The following SLC35F2 variants were observed in gnomAD, a reference collection of about 807,000 sequenced individuals.
SLC35F2 encodes queuine/queuosine transporter SLC35F2.
Under a neutral mutation model 38.1 loss-of-function variants are expected in SLC35F2, and 25 were observed. That is an observed-to-expected ratio of 0.66 (90% CI 0.48 to 0.92). The LOEUF is 0.92. Among genes scored for constraint, SLC35F2 ranks in the 40% least tolerant of loss-of-function variants. The probability of loss-of-function intolerance (pLI) is 0.00; values close to 1 mark genes in which losing one functional copy is unlikely to be tolerated. For synonymous variants in SLC35F2, 173 were observed against 181.7 expected (o/e 0.95, Z 0.38); for missense variants, 409 against 452.9 (o/e 0.90, Z 0.88).
chr11:107,834,351 G>C (rs900668784), intron 1 of SLC35F2, among the ~76,000 whole-genome samples: 7 of 152,106 alleles, frequency 4.6e-5, no homozygotes, highest in Admixed American at 4.6e-4. Flanking sequence ...TCCAAACGTT[G>C]ACGAAAATGA....
chr11:107,804,717 C>A lies in SLC35F2; in HGVS notation c.784+1G>T, dbSNP rs757098482. The A allele has an allele frequency of 3.1e-6, 5 of 1,598,218 alleles. No individual in the cohort carries two copies. Among genetic ancestry groups the A allele is most frequent in the South Asian group, 2.3e-5 (2 of 88,488 alleles). On this transcript the variant is annotated splice_donor_variant, in intron 6 of 7. Coordinates refer to ENST00000525815, the MANE Select transcript of SLC35F2 (RefSeq NM_017515.5). LOFTEE classifies it high-confidence loss of function. ...CTAAAAGGAATTATTTCTTTACATA[C>A]CAATTTTCCAGTCCCAATGAATGCT...
rs34376803 is a variant in SLC35F2 at position 107,833,518 on chromosome 11, C to CAAAAAA, written c.111-17559_111-17554dup. ...TGGGCATCAGAGTGAGACTCTGTCT[C>CAAAAAA]AAAAAAAAAAAAAAAAAAAGGAGAG... is the stretch of plus-strand genomic sequence containing the variant. On this transcript the variant is annotated intron_variant, in intron 1 of 7. Coordinates refer to ENST00000525815, the MANE Select transcript of SLC35F2 (RefSeq NM_017515.5). Among the ~76,000 whole-genome samples, 9 of 89,562 alleles carry CAAAAAA rather than the reference C, an allele frequency of 1.0e-4. 1 individual carries two copies. Among genetic ancestry groups the CAAAAAA allele is most frequent in the South Asian group, 8.0e-4 (2 of 2,494 alleles). 58.8% of individuals were successfully genotyped at this position (89,562 alleles called of 152,430 possible).
intron 7 of SLC35F2, among the ~76,000 whole-genome samples, chr11:107,795,724 A>T (rs527406270): frequency 6.6e-6 from 1 of 152,390 alleles, no homozygotes; most frequent in African/African-American, 2.4e-5. Flanking sequence ...AATGTTCAAC[A>T]TCACTAATCA....
intron 1 of SLC35F2, among the ~76,000 whole-genome samples, chr11:107,822,651 T>C (rs1859691587): frequency 1.3e-5 from 2 of 152,158 alleles, no homozygotes; most frequent in Non-Finnish European, 2.9e-5. Context: ...ATATTCTCCA[T>C]GATTAATAGT....
chr11:107,825,358 TTTC>T (rs1859737594), intron 1 of SLC35F2, among the ~76,000 whole-genome samples: 2 of 143,886 alleles, frequency 1.4e-5, no homozygotes, highest in African/African-American at 5.8e-5. Context: ...TCCGCATTTC[TTTC>T]TTTTTTTTTT....
intron 7 of SLC35F2, among the ~76,000 whole-genome samples, chr11:107,802,133 G>A (rs780867368): frequency 6.6e-6 from 1 of 151,980 alleles, no homozygotes; most frequent in Non-Finnish European, 1.5e-5. Flanking sequence ...AGCTACTCAG[G>A]AGGCTGAGGC....
intron 1 of SLC35F2, among the ~76,000 whole-genome samples, chr11:107,829,345 G>A (rs1404479763): frequency 1.3e-5 from 2 of 151,908 alleles, no homozygotes; most frequent in African/African-American, 4.8e-5. Context: ...TTTGAACACA[G>A]GAGGCAGAGG....
chr11:107,843,845 T>C (rs1421486171), intron 1 of SLC35F2, among the ~76,000 whole-genome samples: 5 of 53,282 alleles, frequency 9.4e-5, no homozygotes, highest in Non-Finnish European at 1.4e-4. Flanking sequence ...ACTCTGTATC[T>C]TAAAAAAAAA....
chr11:107,827,217 T>C (rs1388412930), intron 1 of SLC35F2, among the ~76,000 whole-genome samples: 1 of 152,178 alleles, frequency 6.6e-6, no homozygotes, highest in East Asian at 1.9e-4. Context: ...TACATATATA[T>C]ATCCTATCTC....
chr11:107,833,377 G>A (rs1859881206), intron 1 of SLC35F2, among the ~76,000 whole-genome samples: 2 of 152,054 alleles, frequency 1.3e-5, no homozygotes, highest in Non-Finnish European at 2.9e-5. Flanking sequence ...AAATTAGCCA[G>A]GCGTGGTCGC....
chr11:107,857,163 G>A (rs1860304295), intron 1 of SLC35F2, among the ~76,000 whole-genome samples: 2 of 136,926 alleles, frequency 1.5e-5, no homozygotes, highest in African/African-American at 5.4e-5. Flanking sequence ...CTGGAGCACA[G>A]AGAAGTTAAG....
chr11:107,810,395 A>G lies in SLC35F2; in HGVS notation c.414+1272T>C, dbSNP rs1859463506. 4 of 984,800 alleles carry G rather than the reference A, an allele frequency of 4.1e-6. No homozygotes were observed. In the Admixed American group the frequency reaches 1.9e-4, roughly 46 times the overall value. 61.0% of individuals were successfully genotyped at this position (984,800 alleles called of 1,614,324 possible). A position where few individuals can be genotyped will look rare whatever the true frequency, so the allele number is the denominator to read the frequency against. ...TTGCACCAATTCAAAACTTTTTATCATTAGTTAGAGATCAAAGTTCCTGGG... is the reference window on the plus strand; with the variant it reads ...TTGCACCAATTCAAAACTTTTTATCGTTAGTTAGAGATCAAAGTTCCTGGG... On this transcript the variant is annotated intron_variant, in intron 3 of 7. Transcript: ENST00000525815.
intron 1 of SLC35F2, among the ~76,000 whole-genome samples, chr11:107,834,018 ATGT>A (rs1337067645): frequency 6.6e-6 from 1 of 152,220 alleles, no homozygotes; most frequent in South Asian, 2.1e-4. Flanking sequence ...TCAAGGCTTT[ATGT>A]TGTTATCTCT....
Position 107,816,270 on chromosome 11 carries a change from G to A in SLC35F2, c.111-305C>T, listed in dbSNP as rs988945140. 2.3e-5 allele frequency: 18 copies of A among 767,502 alleles called. No individual in the cohort carries two copies. In the South Asian group the frequency reaches 1.0e-3, roughly 43 times the overall value. The allele number at this position is 767,502 out of a possible 1,614,324, so 47.5% of individuals were successfully genotyped here. A position where few individuals can be genotyped will look rare whatever the true frequency, so the allele number is the denominator to read the frequency against. On this transcript the variant is annotated intron_variant, in intron 1 of 7. Transcript: ENST00000525815. ...CATATACTTTGTAAAGTGCGCACGT[G>A]TGTGTGTGTGTGTATGACTTTTTTT...
intron 1 of SLC35F2, among the ~76,000 whole-genome samples, chr11:107,817,463 C>T (rs534626651): frequency 8.5e-5 from 13 of 152,176 alleles, no homozygotes; most frequent in African/African-American, 2.9e-4. Flanking sequence ...TTCTTCCTAT[C>T]CTACTCTCAT....
At chr11:107,807,296 A>C (rs904794139) in intron 3 of SLC35F2, among the ~76,000 whole-genome samples, 17 of 148,804 alleles carry the variant, frequency 1.1e-4, no homozygotes, top group East Asian at 9.8e-4. Context: ...ACAACAACAA[A>C]AAAAAACCTT....
intron 1 of SLC35F2, among the ~76,000 whole-genome samples, chr11:107,816,926 A>G (rs1859583273): frequency 6.6e-6 from 1 of 152,160 alleles, no homozygotes; most frequent in African/African-American, 2.4e-5. Flanking sequence ...AAGGCGTATA[A>G]CTAAAAATTG....
chr11:107,819,291 T>C (rs1488449857), intron 1 of SLC35F2, among the ~76,000 whole-genome samples: 1 of 152,226 alleles, frequency 6.6e-6, no homozygotes, highest in Non-Finnish European at 1.5e-5. Flanking sequence ...TTCATGTAGC[T>C]GAGTCTGGTA....
At chr11:107,809,786 G>A in intron 3 of SLC35F2, 1 of 985,078 alleles carries the variant, frequency 1.0e-6, no homozygotes, top group Non-Finnish European at 1.2e-6. Context: ...GATCATATTA[G>A]AGGTACAATA....
Sources: allele counts gnomAD v4.1 joint callset (sites outside exome capture counted in the v4.1 genomes callset), GRCh38; gene constraint gnomAD v4.1.1; transcripts MANE v1.5; gene names NCBI Gene and HGNC (gene_info 2026-07-23, HGNC 2026-07-21).